Variants in NPHP4 observed in about 807,000 individuals in gnomAD.
NPHP4 encodes nephrocystin-4.
A neutral mutation model predicts 155.8 loss-of-function variants in NPHP4; 151 were observed. That is an observed-to-expected ratio of 0.97 (90% CI 0.85 to 1.11). The LOEUF is 1.11. Among genes scored for constraint, NPHP4 ranks in the 50% least tolerant of loss-of-function variants. NPHP4 has a pLI of 0.00. For synonymous variants in NPHP4, 845 were observed against 816.8 expected (o/e 1.03, Z -0.59); for missense variants, 1,956 against 1,925.7 (o/e 1.02, Z -0.29).
rs115547329 is a variant in NPHP4, at chr1:5,958,059, G to A, written c.673+3735C>T. 3.8e-3 allele frequency among the ~76,000 whole-genome samples: 572 copies of A among 152,350 alleles called. 3 individuals carry two copies. Among genetic ancestry groups the A allele is most frequent in the African/African-American group, 0.013 (548 of 41,584 alleles). The stretch of plus-strand genomic sequence containing the variant: ...AATAAATGAATGAATTAGTGAATAC[G>A]TAAAAAGTATACACCAAACTATGAT... On this transcript the variant is annotated intron_variant, in intron 6 of 29. Coordinates refer to ENST00000378156, the MANE Select transcript of NPHP4 (RefSeq NM_015102.5).
At position 5,907,128 on chromosome 1, in the gene NPHP4, G is replaced by C; in HGVS notation, c.1598C>G (p.Ser533Cys). The C allele has an allele frequency of 6.5e-7, 1 of 1,544,080 alleles. No homozygotes were observed. Among genetic ancestry groups the C allele is most frequent in the Non-Finnish European group, 8.8e-7 (1 of 1,140,640 alleles). ...TSQLPHGSQA[S>C]PAQAQEFPLE... is the part of the protein sequence containing the mutation. Reference sequence around the variant, plus strand: ...GGCGGCACTTACTGCCTGGGCCGGGGAGGCCTGAGAGCCATGGGGTAGCTG... The same window carrying C: ...GGCGGCACTTACTGCCTGGGCCGGGCAGGCCTGAGAGCCATGGGGTAGCTG... Residue 533 changes from serine (S) to cysteine (C), a missense_variant, in exon 13 of 30, where the codon TCC becomes TGC. Physicochemically the swap from Ser to Cys is moderately radical, Grantham distance 112. Transcript: ENST00000378156.
chr1:5,948,410 C>T (rs538806679), intron 7 of NPHP4, among the ~76,000 whole-genome samples, 159 bp from the exon 8 acceptor site: 6 of 152,340 alleles, frequency 3.9e-5, no homozygotes, highest in Admixed American at 1.3e-4. Flanking sequence ...AAGCAAATGA[C>T]AGATACAGCA....
At chr1:5,932,672 A>C (rs1477648148) in intron 10 of NPHP4, among the ~76,000 whole-genome samples, 3 of 152,016 alleles carry the variant, frequency 2.0e-5, no homozygotes, top group African/African-American at 7.3e-5. Context: ...AAAAAAAAAA[A>C]AAAACCTGAG....
At chr1:5,924,718 A>G (rs975609007) in intron 11 of NPHP4, among the ~76,000 whole-genome samples, 1 of 152,236 alleles carries the variant, frequency 6.6e-6, no homozygotes, top group Non-Finnish European at 1.5e-5. Context: ...GCACTGGCGT[A>G]ATCACGGCTC....
chr1:5,885,770 C>A (rs1643746633), intron 18 of NPHP4, among the ~76,000 whole-genome samples: 1 of 152,232 alleles, frequency 6.6e-6, no homozygotes, highest in Non-Finnish European at 1.5e-5. Flanking sequence ...CAGAGAGACG[C>A]CTACTGTACC....
At chr1:5,866,523 A>G in intron 25 of NPHP4, 65 bp from the exon 26 acceptor site, 3 of 897,356 alleles carry the variant, frequency 3.3e-6, no homozygotes, top group Non-Finnish European at 5.4e-6. Context: ...CTGGCCCCTA[A>G]ATCTGTGACT....
intron 25 of NPHP4, 43 bp downstream of exon 25, chr1:5,866,987 A>G: frequency 6.7e-7 from 1 of 1,489,108 alleles, no homozygotes; most frequent in Non-Finnish European, 9.3e-7. Flanking sequence ...GCGCAGACTC[A>G]CTGGGAAGGA....
chr1:5,946,351 G>A (rs1488718445), intron 9 of NPHP4, among the ~76,000 whole-genome samples: 1 of 151,998 alleles, frequency 6.6e-6, no homozygotes, highest in Non-Finnish European at 1.5e-5. Context: ...GTGTTCTATA[G>A]GTATATATAA....
chr1:5,941,289 CAAAAAA>C (rs66676950), intron 9 of NPHP4, among the ~76,000 whole-genome samples: 3 of 44,778 alleles, frequency 6.7e-5, no homozygotes, highest in African/African-American at 9.8e-5. Context: ...GAGATCTAGA[CAAAAAA>C]AAAAAAAAAA....
chr1:5,964,947 T>A (rs1240452042), intron 5 of NPHP4, among the ~76,000 whole-genome samples: 2 of 91,226 alleles, frequency 2.2e-5, no homozygotes, highest in Non-Finnish European at 4.5e-5. Flanking sequence ...ATATATTTTT[T>A]TTTTTTGAGG....
chr1:5,979,517 A>G lies in NPHP4; in HGVS notation c.136-1104T>C, dbSNP rs1163293984. Among the ~76,000 whole-genome samples, 4 of 152,214 alleles carry G rather than the reference A, an allele frequency of 2.6e-5. No individual in the cohort carries two copies. The South Asian group carries it at 6.2e-4, about 24-fold the overall frequency. ...GGAGCCAGCGAGAAGTGCAGGAACT[A>G]TATTTAGCTATAGTACCTGTGTTTT... is the stretch of plus-strand genomic sequence containing the variant. On this transcript the variant is annotated intron_variant, in intron 2 of 29. Coordinates refer to ENST00000378156, the MANE Select transcript of NPHP4 (RefSeq NM_015102.5).
intron 8 of NPHP4, 45 bp downstream of exon 8, chr1:5,948,025 C>T: frequency 6.9e-7 from 1 of 1,458,066 alleles, no homozygotes; most frequent in Non-Finnish European, 9.6e-7. Flanking sequence ...TCATCGTGAT[C>T]CCTTGCACAT....
intron 3 of NPHP4, among the ~76,000 whole-genome samples, chr1:5,974,551 T>A (rs1252440199): frequency 6.6e-6 from 1 of 152,138 alleles, no homozygotes; most frequent in African/African-American, 2.4e-5. Context: ...ATTCGCTGGC[T>A]CAGAGGAAGT....
At chr1:5,898,265 G>A (rs905018416) in intron 16 of NPHP4, among the ~76,000 whole-genome samples, 3 of 152,240 alleles carry the variant, frequency 2.0e-5, no homozygotes, top group African/African-American at 7.2e-5. Flanking sequence ...AACAAAAAGG[G>A]TTGAAGGCAC....
chr1:5,964,941 A>ATATATATTTTTTTTTTTTTTTTTTTT lies in NPHP4; in HGVS notation c.517+2357_517+2358insAAAAAAAAAAAAAAAAAAAATATATA. On this transcript the variant is annotated intron_variant, in intron 5 of 29. Transcript: ENST00000378156. ...ATTATATATATATATATATATATATATTTTTTTTTTTTGAGGCAGGGTCTC... is the reference window on the plus strand; with the variant it reads ...ATTATATATATATATATATATATATATATATATTTTTTTTTTTTTTTTTTTTTTTTTTTTTTTTGAGGCAGGGTCTC... Among the ~76,000 whole-genome samples, 2 of 59,418 alleles carry ATATATATTTTTTTTTTTTTTTTTTTT rather than the reference A, an allele frequency of 3.4e-5. 1 individual carries two copies. The highest frequency in any genetic ancestry group is 1.7e-4 in the African/African-American group (2 of 11,794). The allele number at this position is 59,418 out of a possible 152,430, so 39.0% of individuals were successfully genotyped here. A position where few individuals can be genotyped will look rare whatever the true frequency, so the allele number is the denominator to read the frequency against.
rs957824623 is a variant in NPHP4 at position 5,910,121 on chromosome 1, T to G, written c.1442-908A>C. Among the ~76,000 whole-genome samples the G allele has an allele frequency of 1.4e-4, 22 of 152,140 alleles. No homozygotes were observed. Among genetic ancestry groups the G allele is most frequent in the African/African-American group, 5.3e-4 (22 of 41,426 alleles). ...ACGGTCATTTCACATACACTGCCAT[T>G]TGCCTTTGCCCACCATGAAACCACC... On this transcript the variant is annotated intron_variant, in intron 11 of 29. Transcript: ENST00000378156. This position sits in a 1 kb window ranked among gnomAD's most constrained non-coding sequence, Gnocchi z 5.4.
chr1:5,879,918 TCA>T (rs1643083293), intron 19 of NPHP4, among the ~76,000 whole-genome samples, 194 bp downstream of exon 19: 1 of 143,972 alleles, frequency 6.9e-6, no homozygotes, highest in Non-Finnish European at 1.5e-5. Flanking sequence ...CTTCCACCTC[TCA>T]CACGCCATTC....
chr1:5,905,452 C>T lies in NPHP4; in HGVS notation c.1795G>A (p.Val599Met). 6.2e-7 allele frequency: 1 copy of T among 1,607,694 alleles called. No homozygotes were observed. The highest frequency in any genetic ancestry group is 8.5e-7 in the Non-Finnish European group (1 of 1,174,666). ...GGAAAGCCGGAGGACTGCAGGAGCA[C>T]CATGGAGGCTCTCGAGGGCTGCCCT... ...SAGQPSRASMVLLQSSGFPEI... is the reference protein window; with the variant it reads ...SAGQPSRASMMLLQSSGFPEI... The change falls in exon 15 of 30, where the codon GTG becomes ATG. Residue 599 changes from valine to methionine, a missense_variant. Coordinates refer to ENST00000378156, the MANE Select transcript of NPHP4 (RefSeq NM_015102.5). The surrounding 1 kb of genome is among the most constrained non-coding windows in gnomAD (Gnocchi z 4.0).
At chr1:5,906,649 T>C (rs934679917) in intron 13 of NPHP4, among the ~76,000 whole-genome samples, 7 of 152,328 alleles carry the variant, frequency 4.6e-5, no homozygotes, top group South Asian at 2.1e-4. Flanking sequence ...CCAAACTCCA[T>C]AGGAATTCCC....
Sources: allele counts gnomAD v4.1 joint callset (sites outside exome capture counted in the v4.1 genomes callset), GRCh38; gene constraint gnomAD v4.1.1; non-coding constraint Gnocchi (gnomAD v3.1); transcripts MANE v1.5; gene names NCBI Gene and HGNC (gene_info 2026-07-23, HGNC 2026-07-21).